RASEF: variants seen among roughly 807,000 people sequenced by gnomAD.
RASEF encodes the protein RAS and EF-hand domain containing, also known as ras and EF-hand domain-containing protein.
In RASEF, 68 loss-of-function variants were observed where a neutral mutation model predicts 90.1. The ratio of observed to expected loss-of-function variants is 0.75; its 90% confidence interval spans 0.62 to 0.92. The LOEUF (loss-of-function observed/expected upper bound fraction) is 0.92. Ranked by LOEUF, RASEF falls within the 40% of genes least tolerant of loss-of-function variation. RASEF has a pLI of 0.00. For missense variants in RASEF, 949 were observed against 937.2 expected (o/e 1.01, Z -0.16); for synonymous variants, 331 against 345.2 (o/e 0.96, Z 0.46).
chr9:83,174,465 C>CTTAT, the RASEF span, among the ~76,000 whole-genome samples: 2 of 152,068 alleles, frequency 1.3e-5, no homozygotes, highest in Non-Finnish European at 2.9e-5. Context: ...AATATAATGG[C>CTTAT]TTATTTCTGG....
At chr9:83,081,366 A>G in the RASEF span, among the ~76,000 whole-genome samples, 5 of 152,190 alleles carry the variant, frequency 3.3e-5, no homozygotes, top group Non-Finnish European at 7.4e-5. Context: ...CTCATTCTTG[A>G]TAGTCTGTTA....
At chr9:83,177,027 A>G in the RASEF span, among the ~76,000 whole-genome samples, 1 of 152,050 alleles carries the variant, frequency 6.6e-6, no homozygotes, top group Non-Finnish European at 1.5e-5. Context: ...ATATGGCTTT[A>G]TTCCCATCAC....
In RASEF at chr9:83,000,877, A is replaced by T; in HGVS notation, c.1437+19T>A. 1 of 1,584,408 alleles carries T rather than the reference A, an allele frequency of 6.3e-7. No individual in the cohort carries two copies. The highest frequency in any genetic ancestry group is 8.7e-7 in the Non-Finnish European group (1 of 1,153,080). On this transcript the variant is annotated intron_variant, in intron 10 of 16. Transcript: ENST00000376447. Reference sequence around the variant, plus strand: ...AATCACGTAGAAGGCCTAGGAGAGCAGTGGTTTCTGGGGCTTACATCTGTG... The same window carrying T: ...AATCACGTAGAAGGCCTAGGAGAGCTGTGGTTTCTGGGGCTTACATCTGTG...
Position 82,995,773 on chromosome 9 carries a change from C to T in RASEF, c.1920+1239G>A, listed in dbSNP as rs112887481. Among the ~76,000 whole-genome samples, 936 of 152,260 alleles carry T rather than the reference C, an allele frequency of 6.1e-3. 6 individuals are homozygous for T. Among genetic ancestry groups the T allele is most frequent in the Middle Eastern group, 0.02 (6 of 294 alleles). On this transcript the variant is annotated intron_variant, in intron 14 of 16. Transcript: ENST00000376447. ...AGAGGCTTCTTCAAGTAATCTTCTG[C>T]TCACACTGGTGCTATATCAAAACAG...
intron 9 of RASEF, 83 bp downstream of exon 9, chr9:83,004,415 T>TTTTAATCTATTA: frequency 1.3e-6 from 1 of 752,896 alleles, no homozygotes; most frequent in Non-Finnish European, 2.3e-6. Flanking sequence ...TATTCTATTA[T>TTTTAATCTATTA]TTTAATCCAC....
At chr9:82,994,721 C>T (rs1397127002) in intron 14 of RASEF, among the ~76,000 whole-genome samples, 2 of 152,174 alleles carry the variant, frequency 1.3e-5, no homozygotes, top group East Asian at 3.9e-4. Flanking sequence ...TCAGCTTTTA[C>T]CCAAATATTC....
intron 1 of RASEF, chr9:83,055,390 G>A (rs1830084239): frequency 4.0e-6 from 2 of 498,060 alleles, no homozygotes; most frequent in South Asian, 2.1e-5. Flanking sequence ...GCAATGCCTC[G>A]CCCTGCTTCG....
the RASEF span, among the ~76,000 whole-genome samples, chr9:83,121,383 A>T: frequency 6.6e-6 from 1 of 152,246 alleles, no homozygotes; most frequent in East Asian, 1.9e-4. Flanking sequence ...TAGTTGGCTC[A>T]TTATAGGGAG....
chr9:83,151,133 T>C, the RASEF span, among the ~76,000 whole-genome samples: 1 of 152,192 alleles, frequency 6.6e-6, no homozygotes, highest in Non-Finnish European at 1.5e-5. Flanking sequence ...AGTATTTTAC[T>C]GCTGAAATTG....
At chr9:83,078,667 A>G in the RASEF span, among the ~76,000 whole-genome samples, 1 of 146,128 alleles carries the variant, frequency 6.8e-6, no homozygotes, top group South Asian at 2.1e-4. Context: ...CTGTCTAAAG[A>G]AAAAAAAAAA....
chr9:83,185,357 T>C, the RASEF span, among the ~76,000 whole-genome samples: 4 of 148,502 alleles, frequency 2.7e-5, no homozygotes, highest in African/African-American at 1.0e-4. Context: ...TTCTTTCTTT[T>C]TTTTTTTTTA....
chr9:83,203,660 T>G, the RASEF span, among the ~76,000 whole-genome samples: 6 of 152,166 alleles, frequency 3.9e-5, no homozygotes, highest in Non-Finnish European at 8.8e-5. Context: ...AGGTCTGTTC[T>G]GAAGGTGGTA....
At chr9:83,007,528 T>A (rs757761652) in intron 6 of RASEF, 23 bp from the exon 7 acceptor site, 8 of 1,575,908 alleles carry the variant, frequency 5.1e-6, no homozygotes, top group Non-Finnish European at 7.0e-6. Context: ...ATTTTATGTT[T>A]GAGTGAGAAT....
chr9:83,096,629 T>G, the RASEF span, among the ~76,000 whole-genome samples: 57,112 of 150,720 alleles, frequency 0.38, 11,194 homozygotes, highest in East Asian at 0.7. Flanking sequence ...CTTGTTTTCT[T>G]TTTTTTTTTC....
At chr9:82,983,805 G>C (rs1038840665) in intron 16 of RASEF, among the ~76,000 whole-genome samples, 4 of 152,240 alleles carry the variant, frequency 2.6e-5, no homozygotes, top group African/African-American at 7.2e-5. Context: ...TCAATGGAGA[G>C]AGGCCACCAG....
chr9:83,192,598 T>G, the RASEF span, among the ~76,000 whole-genome samples: 1 of 152,046 alleles, frequency 6.6e-6, no homozygotes, highest in African/African-American at 2.4e-5. Flanking sequence ...AAAAAATAAC[T>G]ATTGATAACT....
At chr9:83,081,454 TA>T in the RASEF span, among the ~76,000 whole-genome samples, 3 of 152,118 alleles carry the variant, frequency 2.0e-5, no homozygotes, top group Non-Finnish European at 4.4e-5. Context: ...GCCTGAAAAA[TA>T]GTATAAAAAC....
the RASEF span, among the ~76,000 whole-genome samples, chr9:83,126,454 G>C: frequency 6.6e-6 from 1 of 152,174 alleles, no homozygotes; most frequent in Non-Finnish European, 1.5e-5. Context: ...CTAGTCTACA[G>C]TATTTTATTA....
the RASEF span, among the ~76,000 whole-genome samples, chr9:83,079,159 G>A: frequency 6.6e-6 from 1 of 152,114 alleles, no homozygotes; most frequent in African/African-American, 2.4e-5. Flanking sequence ...TGCCTAGGTT[G>A]TCTTTCAGGG....
Sources: gnomAD v4.1 joint callset for allele counts (sites outside exome capture counted in the v4.1 genomes callset) on GRCh38, gnomAD v4.1.1 for gene constraint, MANE v1.5 for transcripts, NCBI Gene and HGNC (gene_info 2026-07-23, HGNC 2026-07-21) for gene names.